SV2C: variants seen among roughly 807,000 people sequenced by gnomAD.
SV2C encodes the protein synaptic vesicle glycoprotein 2C, also known as solute carrier family 22 member B3.
A neutral mutation model predicts 79.7 loss-of-function variants in SV2C; 49 were observed. That is an observed-to-expected ratio of 0.61 (90% CI 0.49 to 0.78). SV2C has a LOEUF of 0.78. Ranked by LOEUF, SV2C falls within the 30% of genes least tolerant of loss-of-function variation. The pLI, the probability that SV2C is intolerant of heterozygous loss-of-function variation, is 0.00. For synonymous variants in SV2C, 334 were observed against 333.2 expected (o/e 1.00, Z -0.03); for missense variants, 833 against 912.9 (o/e 0.91, Z 1.13).
the SV2C span, among the ~76,000 whole-genome samples, chr5:76,022,125 T>C: frequency 6.6e-6 from 1 of 152,192 alleles, no homozygotes; most frequent in Non-Finnish European, 1.5e-5. Flanking sequence ...TCTCACTCTT[T>C]CTCTCTGGTG....
downstream of SV2C, among the ~76,000 whole-genome samples, chr5:76,336,168 C>T (rs894986406): frequency 6.6e-6 from 1 of 151,182 alleles, no homozygotes; most frequent in African/African-American, 2.4e-5. Flanking sequence ...ACCTCCCTCC[C>T]GGATGGGGTG....
chr5:75,910,524 G>T, the SV2C span: 9 of 631,000 alleles, frequency 1.4e-5, no homozygotes, highest in African/African-American at 1.6e-4. Context: ...AAGTTGTTGG[G>T]GCTTTGTTCA....
the SV2C span, among the ~76,000 whole-genome samples, chr5:75,979,870 C>A: frequency 6.6e-6 from 1 of 152,018 alleles, no homozygotes; most frequent in Non-Finnish European, 1.5e-5. Flanking sequence ...CAAGAAATAA[C>A]CAAAATCAGA....
At chr5:76,037,621 G>A in the SV2C span, among the ~76,000 whole-genome samples, 31 of 152,286 alleles carry the variant, frequency 2.0e-4, no homozygotes, top group South Asian at 1.0e-3. Flanking sequence ...CTCCAGCTGC[G>A]TGCTGGGAGA....
intron 4 of SV2C, among the ~76,000 whole-genome samples, chr5:76,279,084 C>A (rs1747106160): frequency 6.6e-6 from 1 of 152,062 alleles, no homozygotes; most frequent in Non-Finnish European, 1.5e-5. Flanking sequence ...AGGATGAGGT[C>A]TCAGTTTTTG....
At chr5:75,877,697 G>T in the SV2C span, among the ~76,000 whole-genome samples, 4 of 151,934 alleles carry the variant, frequency 2.6e-5, no homozygotes, top group Admixed American at 2.0e-4. Flanking sequence ...GCATTTAAAA[G>T]GAGAATAAGA....
intron 2 of SV2C, among the ~76,000 whole-genome samples, chr5:76,186,185 C>T (rs1418929443): frequency 6.6e-6 from 1 of 152,210 alleles, no homozygotes; most frequent in East Asian, 1.9e-4. Flanking sequence ...AGCCATTCAA[C>T]AAGTCTCTAA....
chr5:76,066,582 T>C, the SV2C span, among the ~76,000 whole-genome samples: 1 of 151,588 alleles, frequency 6.6e-6, no homozygotes, highest in East Asian at 1.9e-4. Context: ...TGTGCACATG[T>C]ACCCTAGAAC....
At chr5:76,026,257 A>T in the SV2C span, among the ~76,000 whole-genome samples, 1 of 148,562 alleles carries the variant, frequency 6.7e-6, no homozygotes. Context: ...TGCTATTAAT[A>T]TTAAAAGGCA....
At chr5:75,944,396 ATTAAT>A in the SV2C span, among the ~76,000 whole-genome samples, 1 of 152,110 alleles carries the variant, frequency 6.6e-6, no homozygotes, top group South Asian at 2.1e-4. Context: ...AGCTAATTAA[ATTAAT>A]TCTATTCATT....
At chr5:76,056,212 A>G in the SV2C span, among the ~76,000 whole-genome samples, 1 of 152,166 alleles carries the variant, frequency 6.6e-6, no homozygotes, top group East Asian at 1.9e-4. Context: ...GGGCTGTTGA[A>G]TTTTATCAAA....
the SV2C span, among the ~76,000 whole-genome samples, chr5:75,980,744 T>C: frequency 3.3e-5 from 5 of 152,186 alleles, no homozygotes; most frequent in African/African-American, 9.6e-5. Flanking sequence ...GACAAACCCA[T>C]AACCAACATC....
rs1274865819 is a variant in SV2C, at chr5:76,333,141, TC to T, written c.*7595del. On this transcript the variant is annotated 3_prime_UTR_variant, in exon 13 of 13. Coordinates refer to ENST00000502798, the MANE Select transcript of SV2C (RefSeq NM_014979.4). ...TAGTCATCCAAGAAGGAAACTCCTT[TC>T]TTGCCTTGATATTCACCAGGCCTAC... 6.6e-6 allele frequency: 1 copy of T among 152,220 alleles called. No individual in the cohort carries two copies. Among genetic ancestry groups the T allele is most frequent in the East Asian group, 1.9e-4 (1 of 5,204 alleles). 9.4% of individuals were successfully genotyped at this position (152,220 alleles called of 1,614,324 possible). A position where few individuals can be genotyped will look rare whatever the true frequency, so the allele number is the denominator to read the frequency against.
At chr5:76,174,094 T>A (rs754436898) in intron 2 of SV2C, 1 of 1,585,274 alleles carries the variant, frequency 6.3e-7, no homozygotes, top group African/African-American at 1.3e-5. Flanking sequence ...GATCGTATTT[T>A]TCTACAAAAA....
chr5:76,233,096 G>T (rs1265558325), intron 4 of SV2C, among the ~76,000 whole-genome samples: 1 of 141,408 alleles, frequency 7.1e-6, no homozygotes, highest in Non-Finnish European at 1.5e-5. Flanking sequence ...CCATTTGTTT[G>T]TATCCTCTTT....
In SV2C at chr5:76,125,181, T is replaced by C. The variant is rs964837755; in HGVS notation, c.-101-6469T>C. Among the ~76,000 whole-genome samples, 18 of 152,362 alleles carry C rather than the reference T, an allele frequency of 1.2e-4. No homozygotes were observed. In the South Asian group the frequency reaches 3.3e-3, roughly 28 times the overall value. On this transcript the variant is annotated intron_variant, in intron 1 of 12. Transcript: ENST00000502798. Reference sequence around the variant, plus strand: ...ATTTCCAGGCTCTTTGAATGACTTATTGCTTTAAAAATACACAGATATGCT... The same window carrying C: ...ATTTCCAGGCTCTTTGAATGACTTACTGCTTTAAAAATACACAGATATGCT...
chr5:76,249,591 G>T (rs1182794683), intron 4 of SV2C, among the ~76,000 whole-genome samples: 1 of 152,082 alleles, frequency 6.6e-6, no homozygotes, highest in African/African-American at 2.4e-5. Flanking sequence ...CTTTTATTTG[G>T]TTAGTAAGAT....
chr5:76,233,046 C>T (rs1282792812), intron 4 of SV2C, among the ~76,000 whole-genome samples: 7 of 141,166 alleles, frequency 5.0e-5, no homozygotes, highest in Non-Finnish European at 1.0e-4. Context: ...GCCTTTTTCA[C>T]GATATTGATT....
intron 1 of SV2C, among the ~76,000 whole-genome samples, chr5:76,096,451 A>G (rs1317771988): frequency 1.3e-5 from 2 of 152,148 alleles, no homozygotes; most frequent in Admixed American, 6.5e-5. Context: ...TTCATCCACA[A>G]ATCTGTAAAT....
Sources: gnomAD v4.1 joint callset for allele counts (sites outside exome capture counted in the v4.1 genomes callset) on GRCh38, gnomAD v4.1.1 for gene constraint, MANE v1.5 for transcripts, NCBI Gene and HGNC (gene_info 2026-07-23, HGNC 2026-07-21) for gene names.